The following CLEC2A variants were observed in gnomAD, a reference collection of about 807,000 sequenced individuals.
CLEC2A encodes C-type lectin domain family 2 member A.
In CLEC2A, 19 loss-of-function variants were observed where a neutral mutation model predicts 18.6. The ratio of observed to expected loss-of-function variants is 1.02; its 90% CI spans 0.71 to 1.50. The LOEUF is 1.50. Ranked by LOEUF, CLEC2A falls within the 40% of genes most tolerant of loss-of-function variation. The pLI, the probability that CLEC2A is intolerant of heterozygous loss-of-function variation, is 0.00. For missense variants in CLEC2A, 190 were observed against 207.9 expected (o/e 0.91, Z 0.53); for synonymous variants, 74 against 64.0 (o/e 1.16, Z -0.75).
chr12:9,891,352 G>T, the CLEC2A span, among the ~76,000 whole-genome samples: 1 of 152,116 alleles, frequency 6.6e-6, no homozygotes, highest in African/African-American at 2.4e-5. Context: ...ACTTAAATCT[G>T]AGTTACCTAC....
chr12:9,899,912 G>A (rs1332998818), intron 4 of CLEC2A, among the ~76,000 whole-genome samples: 1 of 152,150 alleles, frequency 6.6e-6, no homozygotes, highest in Non-Finnish European at 1.5e-5. Flanking sequence ...GCTTTGACCT[G>A]AAGCTTGGAA....
At chr12:9,884,338 C>T in the CLEC2A span, among the ~76,000 whole-genome samples, 1 of 151,878 alleles carries the variant, frequency 6.6e-6, no homozygotes, top group Non-Finnish European at 1.5e-5. Context: ...CTGAAACTGA[C>T]TCCTGTCTAA....
the CLEC2A span, among the ~76,000 whole-genome samples, chr12:9,878,484 G>T: frequency 6.6e-6 from 1 of 152,164 alleles, no homozygotes; most frequent in Non-Finnish European, 1.5e-5. Flanking sequence ...AGGGAAATAC[G>T]CAGGGGGTTA....
rs1407817735 is a variant in CLEC2A, at chr12:9,922,217, T to C, written c.155A>G (p.His52Arg). Residue 52 changes from histidine to arginine, a missense_variant, in exon 3 of 5, where the codon CAT becomes CGT. Physicochemically the swap from His to Arg is conservative, Grantham distance 29. Coordinates refer to ENST00000455827, the MANE Select transcript of CLEC2A (RefSeq NM_001130711.2). ...CCCTGAACATGCCACAGGTTTAGCA[T>C]GCTTGGACCATGTGGCTGAAAAAAA... ...CIIMIATWSKHAKPVACSGDW... is the reference protein window; with the variant it reads ...CIIMIATWSKRAKPVACSGDW... The C allele has an allele frequency of 6.5e-7, 1 of 1,533,510 alleles. No homozygotes were observed. The highest frequency in any genetic ancestry group is 1.4e-5 in the African/African-American group (1 of 72,142). 95.0% of individuals were successfully genotyped at this position (1,533,510 alleles called of 1,614,324 possible).
At chr12:9,901,064 A>G (rs891445034) in intron 4 of CLEC2A, among the ~76,000 whole-genome samples, 2 of 152,240 alleles carry the variant, frequency 1.3e-5, no homozygotes, top group Non-Finnish European at 2.9e-5. Flanking sequence ...ATAATTCAAA[A>G]TAATGTTGAC....
At chr12:9,911,736 T>A (rs1471600896), downstream of CLEC2A, among the ~76,000 whole-genome samples, 1 of 152,174 alleles carries the variant, frequency 6.6e-6, no homozygotes, top group Non-Finnish European at 1.5e-5. Flanking sequence ...TTTGTAAACA[T>A]CACACACAGT....
chr12:9,888,511 A>G, the CLEC2A span, among the ~76,000 whole-genome samples: 1 of 152,026 alleles, frequency 6.6e-6, no homozygotes, highest in African/African-American at 2.4e-5. Flanking sequence ...AAAAATAATA[A>G]AAATTAAAAA....
At chr12:9,880,519 C>CGTGTGTGTGT in the CLEC2A span, among the ~76,000 whole-genome samples, 1 of 142,282 alleles carries the variant, frequency 7.0e-6, no homozygotes, top group Non-Finnish European at 1.5e-5. Flanking sequence ...GAACCATTAG[C>CGTGTGTGTGT]ATGTGTGTGT....
At chr12:9,889,387 C>T in the CLEC2A span, among the ~76,000 whole-genome samples, 3 of 152,066 alleles carry the variant, frequency 2.0e-5, no homozygotes, top group Non-Finnish European at 2.9e-5. Context: ...TTGGATTTTG[C>T]ATTTGTAGAT....
intron 4 of CLEC2A, among the ~76,000 whole-genome samples, chr12:9,916,337 CACTTT>C (rs1312872190): frequency 6.6e-6 from 1 of 152,036 alleles, no homozygotes; most frequent in Non-Finnish European, 1.5e-5. Flanking sequence ...ATCTTATATA[CACTTT>C]ACTTGGAAAG....
At chr12:9,883,464 T>C in the CLEC2A span, among the ~76,000 whole-genome samples, 1 of 152,232 alleles carries the variant, frequency 6.6e-6, no homozygotes, top group Non-Finnish European at 1.5e-5. Context: ...AAATCATGGC[T>C]TACATGAAAA....
the CLEC2A span, among the ~76,000 whole-genome samples, chr12:9,890,168 A>G: frequency 6.6e-6 from 1 of 152,214 alleles, no homozygotes; most frequent in African/African-American, 2.4e-5. Context: ...TGAATCTTAT[A>G]GCTAAAGGCT....
chr12:9,884,768 A>G, the CLEC2A span, among the ~76,000 whole-genome samples: 1 of 151,410 alleles, frequency 6.6e-6, no homozygotes, highest in East Asian at 1.9e-4. Context: ...TAATAGTAGT[A>G]TCTCCTTGGT....
At chr12:9,893,554 T>C in the CLEC2A span, 1 of 1,092,602 alleles carries the variant, frequency 9.2e-7, no homozygotes. Flanking sequence ...GAGTAGTTAT[T>C]TGTAAGGGAG....
chr12:9,895,427 C>A (rs1862745696), downstream of CLEC2A, among the ~76,000 whole-genome samples: 1 of 152,124 alleles, frequency 6.6e-6, no homozygotes, highest in Non-Finnish European at 1.5e-5. Context: ...ATACTCAGGT[C>A]TTGCAGGCGT....
chr12:9,877,935 ACAGT>A, the CLEC2A span, among the ~76,000 whole-genome samples: 2 of 152,238 alleles, frequency 1.3e-5, no homozygotes, highest in Non-Finnish European at 2.9e-5. Context: ...CAATGCATAT[ACAGT>A]CAGTGTATCC....
At chr12:9,881,232 TTTTA>T in the CLEC2A span, among the ~76,000 whole-genome samples, 3 of 151,662 alleles carry the variant, frequency 2.0e-5, no homozygotes, top group African/African-American at 7.3e-5. Context: ...ATTTGTTTTA[TTTTA>T]TTTTTTCTCT....
chr12:9,896,043 T>C (rs897033704), downstream of CLEC2A, among the ~76,000 whole-genome samples: 7 of 152,222 alleles, frequency 4.6e-5, no homozygotes, highest in Non-Finnish European at 8.8e-5. Context: ...GTCTTTTCCA[T>C]GGCATTGACA....
intron 4 of CLEC2A, among the ~76,000 whole-genome samples, chr12:9,907,523 G>A (rs866825175): frequency 2.0e-5 from 3 of 152,074 alleles, no homozygotes; most frequent in Middle Eastern, 3.2e-3. Flanking sequence ...CTTATTAAGT[G>A]CCCTAAATAT....
Sources: allele counts gnomAD v4.1 joint callset (sites outside exome capture counted in the v4.1 genomes callset), GRCh38; gene constraint gnomAD v4.1.1; transcripts MANE v1.5; gene names NCBI Gene and HGNC (gene_info 2026-07-23, HGNC 2026-07-21).